Variants in MRAP2 observed in about 807,000 individuals in gnomAD.
The protein encoded by MRAP2 is melanocortin-2 receptor accessory protein 2.
MRAP2 carries 20 observed loss-of-function variants against 17.4 expected under a neutral mutation model. The observed-to-expected ratio is 1.15, with a 90% CI of 0.81 to 1.67. The LOEUF is 1.67. Ranked by LOEUF, MRAP2 falls within the 40% of genes most tolerant of loss-of-function variation. The pLI is 0.00. For synonymous variants in MRAP2, 96 were observed against 88.4 expected (o/e 1.09, Z -0.48); for missense variants, 238 against 240.0 (o/e 0.99, Z 0.05).
At chr6:84,034,784 A>G (rs2099485544) in intron 1 of MRAP2, among the ~76,000 whole-genome samples, 1 of 152,060 alleles carries the variant, frequency 6.6e-6, no homozygotes, top group Admixed American at 6.6e-5. Flanking sequence ...CCCAAAAGTA[A>G]ACAGTAGTAT....
chr6:84,126,419 T>A, the MRAP2 span: 1 of 1,603,116 alleles, frequency 6.2e-7, no homozygotes, highest in Non-Finnish European at 8.5e-7. Context: ...CTCATTTCCA[T>A]CTGCTTAATT....
intron 2 of MRAP2, among the ~76,000 whole-genome samples, chr6:84,061,029 T>C (rs527570013): frequency 1.2e-3 from 181 of 152,162 alleles, no homozygotes; most frequent in Middle Eastern, 6.8e-3. Flanking sequence ...TCATTTCTAC[T>C]ATATTAAAAG....
At chr6:84,110,447 G>A in the MRAP2 span, among the ~76,000 whole-genome samples, 1 of 151,392 alleles carries the variant, frequency 6.6e-6, no homozygotes, top group South Asian at 2.1e-4. Flanking sequence ...TTTTTTTCTT[G>A]TAAATTTAAG....
chr6:84,106,515 A>G, the MRAP2 span, among the ~76,000 whole-genome samples: 421 of 152,244 alleles, frequency 2.8e-3, 2 homozygotes, highest in Non-Finnish European at 3.7e-3. Context: ...CAGTGGTCAT[A>G]CCCAGGAAGG....
intron 1 of MRAP2, among the ~76,000 whole-genome samples, chr6:84,037,130 C>G (rs147232677): frequency 0.012 from 1,818 of 151,312 alleles, 45 homozygotes; most frequent in African/African-American, 0.042. Flanking sequence ...AGACACAGAG[C>G]ACTGATTGTT....
chr6:84,081,764 G>C (rs1205575440), intron 3 of MRAP2, among the ~76,000 whole-genome samples: 1 of 152,204 alleles, frequency 6.6e-6, no homozygotes, highest in East Asian at 1.9e-4. Context: ...GTTGCAGTGA[G>C]CCAAGATCAA....
At chr6:84,142,480 C>G in the MRAP2 span, among the ~76,000 whole-genome samples, 1 of 151,980 alleles carries the variant, frequency 6.6e-6, no homozygotes, top group African/African-American at 2.4e-5. Flanking sequence ...CATAAAAGAG[C>G]ACTATTTAAT....
chr6:84,037,474 C>T (rs1395477476), intron 1 of MRAP2, among the ~76,000 whole-genome samples: 2 of 152,214 alleles, frequency 1.3e-5, no homozygotes, highest in Non-Finnish European at 2.9e-5. Flanking sequence ...ATGCCACAAG[C>T]CTGCACTCCT....
chr6:84,125,288 A>G, the MRAP2 span: 1 of 1,608,316 alleles, frequency 6.2e-7, no homozygotes, highest in Non-Finnish European at 8.5e-7. Flanking sequence ...TGCAAATACA[A>G]AAATTCCACA....
chr6:84,129,691 A>G, the MRAP2 span, among the ~76,000 whole-genome samples: 1 of 152,058 alleles, frequency 6.6e-6, no homozygotes, highest in Admixed American at 6.6e-5. Context: ...CCATTTGTCA[A>G]TTTTGGCTTT....
upstream of MRAP2, chr6:84,033,643 C>T: frequency 4.1e-6 from 4 of 978,028 alleles, no homozygotes; most frequent in Non-Finnish European, 3.6e-6. Context: ...CCAAGGCGGC[C>T]TCGCGCTGGG....
At chr6:84,137,421 G>C in the MRAP2 span, among the ~76,000 whole-genome samples, 1 of 151,978 alleles carries the variant, frequency 6.6e-6, no homozygotes, top group Admixed American at 6.6e-5. Context: ...GAATATTTGC[G>C]ACAAATTACA....
intron 1 of MRAP2, among the ~76,000 whole-genome samples, chr6:84,043,515 G>T (rs1011183326): frequency 2.0e-5 from 3 of 152,268 alleles, no homozygotes; most frequent in South Asian, 2.1e-4. Flanking sequence ...ATGGGCAAAA[G>T]CTCAGAGGAC....
At chr6:84,114,807 T>C in the MRAP2 span, among the ~76,000 whole-genome samples, 2 of 152,192 alleles carry the variant, frequency 1.3e-5, no homozygotes, top group Non-Finnish European at 2.9e-5. Context: ...TTCTGTTTAT[T>C]TGTTTTCCTT....
At chr6:84,033,606 G>A (rs1026841446), upstream of MRAP2, 81 of 860,186 alleles carry the variant, frequency 9.4e-5, no homozygotes, top group Non-Finnish European at 1.1e-4. Context: ...AGCAGGAAAG[G>A]GATCTGCAAA....
intron 1 of MRAP2, among the ~76,000 whole-genome samples, chr6:84,053,031 CA>C (rs1328796706): frequency 1.3e-5 from 2 of 152,128 alleles, no homozygotes; most frequent in Non-Finnish European, 2.9e-5. Flanking sequence ...TGACCGGCCC[CA>C]TGAGGGTGGT....
intron 1 of MRAP2, chr6:84,052,882 CCTTT>C: frequency 2.3e-5 from 17 of 725,948 alleles, no homozygotes; most frequent in Non-Finnish European, 2.5e-5. Flanking sequence ...CTTTCATTAC[CCTTT>C]GGTAATGCCC....
the MRAP2 span, among the ~76,000 whole-genome samples, chr6:84,102,574 A>G: frequency 4.6e-5 from 7 of 152,352 alleles, no homozygotes; most frequent in East Asian, 1.4e-3. Context: ...CCTTGATTTT[A>G]GCCCAACAAG....
At chr6:84,109,650 A>T in the MRAP2 span, among the ~76,000 whole-genome samples, 5 of 152,088 alleles carry the variant, frequency 3.3e-5, no homozygotes, top group African/African-American at 1.2e-4. Context: ...TGTGCAGAAC[A>T]TGCAGTTTTG....
Sources: allele counts gnomAD v4.1 joint callset (sites outside exome capture counted in the v4.1 genomes callset), GRCh38; gene constraint gnomAD v4.1.1; transcripts MANE v1.5; gene names NCBI Gene and HGNC (gene_info 2026-07-23, HGNC 2026-07-21).